The following SCLT1 variants were observed in gnomAD, a reference collection of about 807,000 sequenced individuals.
SCLT1 encodes the protein sodium channel and clathrin linker 1, also known as sodium channel-associated protein 1.
In SCLT1, 78 loss-of-function variants were observed where a neutral mutation model predicts 112.8. The observed-to-expected ratio is 0.69, with a 90% CI of 0.58 to 0.83. The LOEUF (loss-of-function observed/expected upper bound fraction) is 0.83. Ranked by LOEUF, SCLT1 falls within the 40% of genes least tolerant of loss-of-function variation. The pLI is 0.00. For synonymous variants in SCLT1, 257 were observed against 254.7 expected, an observed-to-expected ratio of 1.01 and a Z score of -0.09; for missense variants, 747 against 770.4, an observed-to-expected ratio of 0.97 and a Z score of 0.36.
At chr4:128,904,872 T>C (rs1039060365) in intron 18 of SCLT1, among the ~76,000 whole-genome samples, 2 of 152,158 alleles carry the variant, frequency 1.3e-5, no homozygotes, top group Non-Finnish European at 2.9e-5. Context: ...TCTTTTCTCA[T>C]TGTTAACTAA....
chr4:128,995,591 C>T (rs1186171702), intron 8 of SCLT1, among the ~76,000 whole-genome samples: 1 of 152,010 alleles, frequency 6.6e-6, no homozygotes, highest in Admixed American at 6.6e-5. Context: ...AGAGAAGACC[C>T]CCACAAATCA....
At chr4:129,013,476 C>T (rs1744719786) in intron 5 of SCLT1, among the ~76,000 whole-genome samples, 2 of 152,158 alleles carry the variant, frequency 1.3e-5, no homozygotes, top group Non-Finnish European at 1.5e-5. Context: ...TTAGTGCTAC[C>T]TTCAGGTGCT....
chr4:129,011,180 T>C (rs988248237), intron 5 of SCLT1, among the ~76,000 whole-genome samples: 3 of 152,232 alleles, frequency 2.0e-5, no homozygotes, highest in African/African-American at 4.8e-5. Flanking sequence ...GATAATCATG[T>C]AGTTTTTGTC....
At chr4:129,046,137 C>T (rs1447394558) in intron 2 of SCLT1, among the ~76,000 whole-genome samples, 1 of 152,010 alleles carries the variant, frequency 6.6e-6, no homozygotes, top group Non-Finnish European at 1.5e-5. Flanking sequence ...ACTCATGTAA[C>T]CAGAACTCAA....
chr4:129,071,808 T>C (rs191935279), intron 2 of SCLT1, among the ~76,000 whole-genome samples: 1 of 152,202 alleles, frequency 6.6e-6, no homozygotes, highest in Non-Finnish European at 1.5e-5. Context: ...AGTGTTAGTA[T>C]TGAAATGTGA....
At chr4:128,958,412 A>G (rs1739393165) in intron 12 of SCLT1, among the ~76,000 whole-genome samples, 1 of 152,142 alleles carries the variant, frequency 6.6e-6, no homozygotes, top group Non-Finnish European at 1.5e-5. Context: ...GGAACCCTCT[A>G]GCAATTAAGC....
intron 5 of SCLT1, among the ~76,000 whole-genome samples, chr4:129,006,062 T>C (rs1429550250): frequency 6.7e-6 from 1 of 149,026 alleles, no homozygotes; most frequent in Admixed American, 6.7e-5. Context: ...ATATACCTAA[T>C]GCTAAATGAC....
chr4:128,890,629 G>C (rs1157526425), intron 19 of SCLT1, among the ~76,000 whole-genome samples: 2 of 152,064 alleles, frequency 1.3e-5, no homozygotes, highest in Non-Finnish European at 2.9e-5. Context: ...AAAAAAACTT[G>C]AACTCTTGCT....
Position 128,946,031 on chromosome 4 carries a change from T to C in SCLT1, c.1415A>G (p.Asn472Ser). 6.2e-7 allele frequency: 1 copy of C among 1,610,468 alleles called. No individual in the cohort carries two copies. Among genetic ancestry groups the C allele is most frequent in the Non-Finnish European group, 8.5e-7 (1 of 1,177,620 alleles). The stretch of plus-strand genomic sequence containing the variant: ...CTCAGTTTCAAGTTGTTTTATTCTA[T>C]TTTCTGCTCTCGTAAGTCTTAGCTG... Reference protein sequence around the residue: ...DLQLRLTRAENRIKQLETDSS... With the variant: ...DLQLRLTRAESRIKQLETDSS... Residue 472 changes from asparagine (N) to serine (S), a missense_variant, in exon 16 of 21, where the codon AAT becomes AGT. By Grantham distance (46) the Asn-to-Ser change is conservative. Coordinates refer to ENST00000281142, the MANE Select transcript of SCLT1 (RefSeq NM_144643.4).
intron 2 of SCLT1, among the ~76,000 whole-genome samples, chr4:129,045,484 T>A (rs1748100593): frequency 6.6e-6 from 1 of 152,062 alleles, no homozygotes; most frequent in South Asian, 2.1e-4. Context: ...CAGTGGTGCC[T>A]TTACTATAAA....
At chr4:128,917,569 T>G (rs991382631) in intron 18 of SCLT1, among the ~76,000 whole-genome samples, 4 of 152,202 alleles carry the variant, frequency 2.6e-5, no homozygotes, top group African/African-American at 9.7e-5. Flanking sequence ...AGTTCTCGAT[T>G]ACTGTGCTAA....
Position 129,093,177 on chromosome 4 carries a change from A to G in SCLT1, c.-74T>C. The stretch of plus-strand genomic sequence containing the variant: ...AAAGACAGAGAGCTTGCTGTGCGGG[A>G]AAACAAAACTAAGCCAACGCTCGGT... On this transcript the variant is annotated 5_prime_UTR_variant, in exon 1 of 21. Transcript: ENST00000281142. 1 of 1,406,560 alleles carries G rather than the reference A, an allele frequency of 7.1e-7. No individual in the cohort carries two copies. Among genetic ancestry groups the G allele is most frequent in the Non-Finnish European group, 1.0e-6 (1 of 992,210 alleles). The allele number at this position is 1,406,560 out of a possible 1,614,324, so 87.1% of individuals were successfully genotyped here.
intron 20 of SCLT1, 34 bp downstream of exon 20, chr4:128,888,645 G>A: frequency 7.9e-7 from 1 of 1,269,724 alleles, no homozygotes; most frequent in Non-Finnish European, 1.1e-6. Flanking sequence ...TCTTTGAACT[G>A]TTTATTATCT....
At chr4:128,945,104 C>T (rs987735325) in intron 16 of SCLT1, 7 of 152,104 alleles carry the variant, frequency 4.6e-5, no homozygotes, top group Non-Finnish European at 1.0e-4. Flanking sequence ...ATATAAGGAA[C>T]ACAAAGAAGA....
chr4:129,057,362 C>T (rs1395728485), intron 2 of SCLT1, among the ~76,000 whole-genome samples: 1 of 151,254 alleles, frequency 6.6e-6, no homozygotes, highest in Non-Finnish European at 1.5e-5. Flanking sequence ...GGAAGAATCA[C>T]CTAACCTTTG....
chr4:128,998,079 T>C (rs555404959), intron 7 of SCLT1, 140 bp from the exon 8 acceptor site: 49 of 405,662 alleles, frequency 1.2e-4, no homozygotes, highest in Non-Finnish European at 2.0e-4. Context: ...TACTATTGTG[T>C]GAATTAGTAG....
At chr4:129,087,979 C>G (rs1040228966) in intron 1 of SCLT1, among the ~76,000 whole-genome samples, 9 of 150,992 alleles carry the variant, frequency 6.0e-5, no homozygotes, top group Non-Finnish European at 1.3e-4. Context: ...CCCAGCTTCT[C>G]AGGAGGCTGA....
At position 128,936,762 on chromosome 4, in the gene SCLT1, A is replaced by G. The variant is rs896441152; in HGVS notation, c.1722T>C (p.Ile574=). ...TCGCTAGGAGATGCCTCAGTTCAAC[A>G]ATGGAATTTCTATTACTGTCTTCCA... ...REMEDSNRNS[I]VELRHLLATQ... Residue 574 remains isoleucine (I), a synonymous_variant, in exon 18 of 21, where the codon ATT becomes ATC. Transcript: ENST00000281142. The G allele has an allele frequency of 3.7e-6, 6 of 1,611,030 alleles. No individual in the cohort carries two copies. Among genetic ancestry groups the G allele is most frequent in the Non-Finnish European group, 5.1e-6 (6 of 1,177,402 alleles).
intron 2 of SCLT1, among the ~76,000 whole-genome samples, chr4:129,049,146 C>G (rs200536382): frequency 1.6e-4 from 24 of 149,254 alleles, no homozygotes; most frequent in African/African-American, 5.9e-4. Context: ...ACCCAAAGGA[C>G]TATAAATCAT....
Sources: allele counts gnomAD v4.1 joint callset (sites outside exome capture counted in the v4.1 genomes callset), GRCh38; gene constraint gnomAD v4.1.1; transcripts MANE v1.5; gene names NCBI Gene and HGNC (gene_info 2026-07-23, HGNC 2026-07-21).